The following PIERCE2 variants were observed in gnomAD, a reference collection of about 807,000 sequenced individuals.
The protein encoded by PIERCE2 is piercer of microtubule wall 2 protein.
chr15:55,416,577 A>C, the PIERCE2 span, among the ~76,000 whole-genome samples: 39,804 of 152,092 alleles, frequency 0.26, 6,641 homozygotes, highest in Non-Finnish European at 0.38. Context: ...GAAACCTGGA[A>C]GTTATCCTAG....
the PIERCE2 span, among the ~76,000 whole-genome samples, chr15:55,409,549 G>A: frequency 6.6e-6 from 1 of 152,166 alleles, no homozygotes; most frequent in East Asian, 1.9e-4. Flanking sequence ...CAAGGAAGAC[G>A]GTGGACCTGA....
At chr15:55,414,097 C>G in the PIERCE2 span, among the ~76,000 whole-genome samples, 1 of 151,584 alleles carries the variant, frequency 6.6e-6, no homozygotes, top group African/African-American at 2.4e-5. Flanking sequence ...CAGGGTTTCA[C>G]CGCGTTAGCC....
the PIERCE2 span, chr15:55,418,402 T>A: frequency 6.5e-7 from 1 of 1,533,176 alleles, no homozygotes; most frequent in African/African-American, 1.4e-5. Flanking sequence ...CAAGTCATTA[T>A]GGTGAATTTC....
chr15:55,418,572 A>G, the PIERCE2 span: 1 of 1,428,036 alleles, frequency 7.0e-7, no homozygotes. Flanking sequence ...ACTCTATGAA[A>G]ATATATTCCT....
the PIERCE2 span, among the ~76,000 whole-genome samples, chr15:55,409,206 G>A: frequency 9.0e-3 from 1,368 of 152,274 alleles, 14 homozygotes; most frequent in African/African-American, 0.031. Flanking sequence ...AGGAGTTCGA[G>A]ACCAGCCTGA....
At chr15:55,416,749 A>C in the PIERCE2 span, among the ~76,000 whole-genome samples, 1 of 152,116 alleles carries the variant, frequency 6.6e-6, no homozygotes, top group Non-Finnish European at 1.5e-5. Flanking sequence ...ACCTGAGGTC[A>C]GGAGTTCGAG....
At chr15:55,418,641 T>C in the PIERCE2 span, 3 of 1,041,740 alleles carry the variant, frequency 2.9e-6, no homozygotes, top group Non-Finnish European at 4.0e-6. Flanking sequence ...AAGGGTAGAA[T>C]ACCTAATAAA....
the PIERCE2 span, among the ~76,000 whole-genome samples, chr15:55,414,176 C>T: frequency 1.3e-5 from 2 of 150,240 alleles, no homozygotes; most frequent in East Asian, 2.0e-4. Context: ...GGATTACAAG[C>T]GTGAGCCACC....
the PIERCE2 span, chr15:55,410,721 C>T: frequency 6.6e-6 from 1 of 152,178 alleles, no homozygotes; most frequent in African/African-American, 2.4e-5. Flanking sequence ...ACAACAAAAT[C>T]TACAAGTTGC....
the PIERCE2 span, chr15:55,408,606 A>G: frequency 2.4e-6 from 1 of 424,916 alleles, no homozygotes; most frequent in East Asian, 3.5e-5. Context: ...CCCGGATTAA[A>G]CGGATAGGTT....
the PIERCE2 span, among the ~76,000 whole-genome samples, chr15:55,414,617 G>C: frequency 6.6e-6 from 1 of 152,160 alleles, no homozygotes; most frequent in African/African-American, 2.4e-5. Flanking sequence ...GGTGGCTCAC[G>C]CCTGTAATCC....
the PIERCE2 span, among the ~76,000 whole-genome samples, chr15:55,413,926 CT>C: frequency 1.3e-5 from 2 of 148,316 alleles, no homozygotes; most frequent in Non-Finnish European, 3.0e-5. Context: ...GAGACGGAGT[CT>C]CGCTCTGTCG....
At chr15:55,416,687 G>A in the PIERCE2 span, among the ~76,000 whole-genome samples, 4 of 151,938 alleles carry the variant, frequency 2.6e-5, no homozygotes, top group Non-Finnish European at 4.4e-5. Context: ...GGCTGGGCGC[G>A]GTGGCTCACA....
chr15:55,417,807 C>G, the PIERCE2 span: 1 of 230,240 alleles, frequency 4.3e-6, no homozygotes, highest in Non-Finnish European at 8.5e-6. Context: ...GGGCTGAGTC[C>G]GAAAAGACAG....
chr15:55,409,306 G>C, the PIERCE2 span, among the ~76,000 whole-genome samples: 2 of 152,062 alleles, frequency 1.3e-5, no homozygotes, highest in Non-Finnish European at 2.9e-5. Flanking sequence ...TTGGGAGGCT[G>C]AGACAGCAGA....
At chr15:55,416,301 C>T in the PIERCE2 span, among the ~76,000 whole-genome samples, 1 of 152,138 alleles carries the variant, frequency 6.6e-6, no homozygotes, top group African/African-American at 2.4e-5. Flanking sequence ...GGGGTTTCAC[C>T]ATGTTGTCCA....
the PIERCE2 span, among the ~76,000 whole-genome samples, chr15:55,413,760 CAAAA>C: frequency 2.7e-5 from 3 of 111,474 alleles, no homozygotes; most frequent in East Asian, 5.9e-4. Flanking sequence ...AACTCCGTTT[CAAAA>C]AAAAAAAAAA....
chr15:55,411,963 C>T, the PIERCE2 span, among the ~76,000 whole-genome samples: 83 of 151,818 alleles, frequency 5.5e-4, no homozygotes, highest in South Asian at 5.2e-3. Flanking sequence ...TGGTGGCGCA[C>T]GCCTTTAAGC....
the PIERCE2 span, chr15:55,418,737 G>T: frequency 1.9e-6 from 1 of 523,262 alleles, no homozygotes; most frequent in Non-Finnish European, 3.2e-6. Context: ...CTTTTTAAAT[G>T]AAAATATGTT....
Sources: gnomAD v4.1 joint callset for allele counts (sites outside exome capture counted in the v4.1 genomes callset) on GRCh38, gnomAD v4.1.1 for gene constraint, MANE v1.5 for transcripts, NCBI Gene and HGNC (gene_info 2026-07-23, HGNC 2026-07-21) for gene names.